The following PDGFRA variants were observed in gnomAD, a reference collection of about 807,000 sequenced individuals.
PDGFRA encodes platelet derived growth factor receptor alpha.
In PDGFRA, 25 loss-of-function variants were observed where a neutral mutation model predicts 121.5. The observed-to-expected ratio is 0.21, with a 90% CI of 0.15 to 0.29. The LOEUF is 0.29. Ranked by LOEUF, PDGFRA falls within the 10% of genes least tolerant of loss-of-function variation. The pLI, the probability that PDGFRA is intolerant of heterozygous loss-of-function variation, is 1.00. For synonymous variants in PDGFRA, 463 were observed against 494.8 expected, an observed-to-expected ratio of 0.94 and a Z score of 0.85; for missense variants, 1,008 against 1,345.1, an observed-to-expected ratio of 0.75 and a Z score of 3.92.
At chr4:54,270,215 C>T (rs1416713977) in intron 7 of PDGFRA, among the ~76,000 whole-genome samples, 1 of 152,148 alleles carries the variant, frequency 6.6e-6, no homozygotes, top group Non-Finnish European at 1.5e-5. Context: ...TCATTCTATC[C>T]TCCAGTGATA....
chr4:54,293,716 C>T (rs902609360), intron 22 of PDGFRA, among the ~76,000 whole-genome samples: 1 of 152,150 alleles, frequency 6.6e-6, no homozygotes, highest in African/African-American at 2.4e-5. Context: ...TAGGCATGAA[C>T]CACCTCACCC....
At chr4:54,274,996 C>T (rs760507175) in intron 12 of PDGFRA, 23 bp downstream of exon 12, 65 of 1,613,308 alleles carry the variant, frequency 4.0e-5, no homozygotes, top group Non-Finnish European at 5.4e-5. Context: ...GGGTAACCTC[C>T]CAAGACTCCC....
At chr4:54,232,038 G>C (rs143360080) in intron 1 of PDGFRA, among the ~76,000 whole-genome samples, 1,977 of 152,358 alleles carry the variant, frequency 0.013, 26 homozygotes, top group Non-Finnish European at 0.019. Flanking sequence ...GGACGTGGTG[G>C]CCAGCGCCTT....
At chr4:54,237,848 G>A (rs566059880) in intron 1 of PDGFRA, among the ~76,000 whole-genome samples, 3 of 152,310 alleles carry the variant, frequency 2.0e-5, no homozygotes, top group Admixed American at 2.0e-4. Flanking sequence ...TGGCACACAG[G>A]GGTGGGATAT....
chr4:54,260,561 G>A (rs530539088), intron 2 of PDGFRA, among the ~76,000 whole-genome samples: 1 of 151,744 alleles, frequency 6.6e-6, no homozygotes, highest in South Asian at 2.1e-4. Context: ...CAGCACACCT[G>A]GCTAATTTTT....
chr4:54,244,291 T>G (rs1344006235), intron 1 of PDGFRA, among the ~76,000 whole-genome samples: 7 of 152,180 alleles, frequency 4.6e-5, no homozygotes, highest in African/African-American at 1.4e-4. Context: ...CCCTGACCCC[T>G]GAGCAGCCTA....
intron 1 of PDGFRA, 62 bp from the exon 2 acceptor site, chr4:54,258,695 A>C: frequency 1.0e-6 from 1 of 975,660 alleles, no homozygotes; most frequent in Non-Finnish European, 1.7e-6. Flanking sequence ...CACAAAGAGA[A>C]CTAGGCTCCA....
chr4:54,246,367 C>T (rs1391217168), intron 1 of PDGFRA, among the ~76,000 whole-genome samples: 2 of 152,218 alleles, frequency 1.3e-5, no homozygotes, highest in Admixed American at 1.3e-4. Context: ...AACAAACTGT[C>T]TCTCAGACCA....
chr4:54,264,823 C>T, intron 4 of PDGFRA, 96 bp from the exon 5 acceptor site: 1 of 1,156,978 alleles, frequency 8.6e-7, no homozygotes, highest in Admixed American at 2.1e-5. Flanking sequence ...AATTATTTTT[C>T]AGGGTTTTCT....
At chr4:54,264,849 A>C (rs1436627997) in intron 4 of PDGFRA, 70 bp from the exon 5 acceptor site, 3 of 1,458,162 alleles carry the variant, frequency 2.1e-6, no homozygotes, top group African/African-American at 1.4e-5. Context: ...AAAAAAAAAA[A>C]AACCCAAACT....
chr4:54,256,755 G>C (rs1722397836), intron 1 of PDGFRA, among the ~76,000 whole-genome samples: 1 of 151,478 alleles, frequency 6.6e-6, no homozygotes, highest in African/African-American at 2.4e-5. Flanking sequence ...GTTTATGCCT[G>C]TAATCCCAGC....
intron 16 of PDGFRA, chr4:54,281,503 T>A: frequency 1.0e-6 from 1 of 1,004,258 alleles, no homozygotes; most frequent in Admixed American, 2.7e-5. Flanking sequence ...TTTTAAAAGA[T>A]TAGCCAGTGA....
At chr4:54,263,621 G>A in intron 3 of PDGFRA, 46 bp from the exon 4 acceptor site, 2 of 1,588,782 alleles carry the variant, frequency 1.3e-6, no homozygotes, top group South Asian at 2.2e-5. Context: ...ATGTGTAAAG[G>A]TGAAATTAAT....
rs1553903204 is a variant in PDGFRA, at chr4:54,267,292, G to A, written c.763G>A (p.Gly255Ser). The change falls in exon 6 of 23, where the codon GGC becomes AGC. Residue 255 changes from glycine to serine, a missense_variant. Transcript: ENST00000257290. ...TTTTCTTCCCCTTTTGCTGTAGAAA[G>A]GCAAAGGCATCACAATGCTGGAAGA... ...LQWTYPGEVK[G>S]KGITMLEEIK... is the part of the protein sequence containing the mutation. The A allele has an allele frequency of 1.2e-6, 2 of 1,614,142 alleles. No individual in the cohort carries two copies. The highest frequency in any genetic ancestry group is 2.2e-5 in the East Asian group (1 of 44,872).
Position 54,261,176 on chromosome 4 carries a change from C to T in PDGFRA, c.131C>T (p.Ser44Phe), listed in dbSNP as rs774911799. The stretch of plus-strand genomic sequence containing the variant: ...GAAAAGGTTGTGCAGCTGAATTCAT[C>T]CTTTTCTCTGAGATGCTTTGGGGAG... ...ENEKVVQLNS[S>F]FSLRCFGESE... Residue 44 changes from serine (S) to phenylalanine (F), a missense_variant, in exon 3 of 23, where the codon TCC (serine) becomes TTC (phenylalanine). Around this residue, in one of 5 missense-constraint regions of PDGFRA, gnomAD observed 575 missense variants for 701.8 expected, o/e 0.82. Transcript: ENST00000257290. 1 of 1,613,996 alleles carries T rather than the reference C, an allele frequency of 6.2e-7. No homozygotes were observed. Among genetic ancestry groups the T allele is most frequent in the Admixed American group, 1.7e-5 (1 of 60,002 alleles).
chr4:54,293,959 A>G (rs1577754143), intron 22 of PDGFRA, among the ~76,000 whole-genome samples: 1 of 144,188 alleles, frequency 6.9e-6, no homozygotes, highest in East Asian at 2.1e-4. Flanking sequence ...CTTCTTTCCC[A>G]TCAGAACATT....
intron 16 of PDGFRA, among the ~76,000 whole-genome samples, chr4:54,282,825 A>G (rs955631946): frequency 1.3e-5 from 2 of 152,256 alleles, no homozygotes; most frequent in African/African-American, 4.8e-5. Flanking sequence ...CAATGGGGTT[A>G]TAGGCATTGG....
intron 2 of PDGFRA, among the ~76,000 whole-genome samples, chr4:54,259,297 T>C (rs1364362406): frequency 2.6e-5 from 4 of 152,074 alleles, no homozygotes; most frequent in African/African-American, 7.2e-5. Flanking sequence ...TCCAGCAACA[T>C]AGCAAGACCT....
chr4:54,287,845 T>A (rs1385072651), intron 19 of PDGFRA, among the ~76,000 whole-genome samples: 1 of 152,230 alleles, frequency 6.6e-6, no homozygotes, highest in Non-Finnish European at 1.5e-5. Context: ...GCATCCCAGC[T>A]GCTTTTTCAT....
Sources: gnomAD v4.1 joint callset for allele counts (sites outside exome capture counted in the v4.1 genomes callset) on GRCh38, gnomAD v4.1.1 for gene constraint, gnomAD v4.1.1 regional missense constraint, MANE v1.5 for transcripts, NCBI Gene and HGNC (gene_info 2026-07-23, HGNC 2026-07-21) for gene names.